The following FANCA variants were observed in gnomAD, a reference collection of about 807,000 sequenced individuals.
The protein encoded by FANCA is FA complementation group A.
In FANCA, 236 loss-of-function variants were observed where a neutral mutation model predicts 194.3. The ratio of observed to expected loss-of-function variants is 1.21; its 90% CI spans 1.09 to 1.35. The LOEUF (loss-of-function observed/expected upper bound fraction) is 1.35, where lower values mean the gene tolerates loss of function less well. FANCA is among the 40% of genes most tolerant of loss of function. FANCA has a pLI of 0.00. For missense variants in FANCA, 2,628 were observed against 1,813.9 expected (o/e 1.45, Z -8.15); for synonymous variants, 1,014 against 715.8 (o/e 1.42, Z -6.65).
chr16:89,791,692 G>A (rs2040081846), intron 13 of FANCA, 156 bp from the exon 14 acceptor site: 3 of 1,139,570 alleles, frequency 2.6e-6, no homozygotes, highest in Admixed American at 2.0e-5. Context: ...CATGTCAAGT[G>A]CAAACCACTA....
chr16:89,788,446 C>G (rs2039965619), intron 14 of FANCA, among the ~76,000 whole-genome samples: 2 of 151,910 alleles, frequency 1.3e-5, no homozygotes, highest in Non-Finnish European at 2.9e-5. Flanking sequence ...AAAAACAAAA[C>G]AAAACATAAC....
intron 29 of FANCA, among the ~76,000 whole-genome samples, chr16:89,759,040 G>A (rs547638269): frequency 1.3e-5 from 2 of 152,100 alleles, no homozygotes; most frequent in African/African-American, 4.8e-5. Context: ...TGTAGGCTGG[G>A]GCAGGTGCAG....
intron 29 of FANCA, among the ~76,000 whole-genome samples, chr16:89,759,670 A>G (rs1260586530): frequency 6.6e-6 from 1 of 152,192 alleles, no homozygotes; most frequent in Non-Finnish European, 1.5e-5. Flanking sequence ...CTGAGGCAGG[A>G]GGATCACTCG....
chr16:89,810,545 C>T (rs1459675103), intron 5 of FANCA, 162 bp downstream of exon 5: 4 of 651,792 alleles, frequency 6.1e-6, no homozygotes, highest in East Asian at 2.7e-5. Flanking sequence ...GTACTTCTTT[C>T]CAATCCACAG....
At chr16:89,811,905 T>G (rs554192167) in intron 3 of FANCA, among the ~76,000 whole-genome samples, 1 of 151,724 alleles carries the variant, frequency 6.6e-6, no homozygotes, top group East Asian at 1.9e-4. Context: ...TAATTTTTTG[T>G]ATTTTTAGTA....
intron 12 of FANCA, 66 bp downstream of exon 12, chr16:89,792,405 G>C (rs192256012): frequency 2.7e-6 from 4 of 1,505,994 alleles, no homozygotes; most frequent in Non-Finnish European, 3.7e-6. Flanking sequence ...AGCATGACAA[G>C]TACTAGGCAG....
intron 31 of FANCA, 76 bp downstream of exon 31, chr16:89,752,062 G>T: frequency 1.5e-6 from 2 of 1,331,812 alleles, no homozygotes; most frequent in Non-Finnish European, 1.1e-6. Context: ...GAGCCACCGC[G>T]CCTGGCAATA....
intron 11 of FANCA, among the ~76,000 whole-genome samples, chr16:89,793,204 G>A (rs1184561953): frequency 6.6e-6 from 1 of 152,136 alleles, no homozygotes; most frequent in African/African-American, 2.4e-5. Flanking sequence ...AGTGAGTGGT[G>A]TTCCTTGACA....
chr16:89,810,646 T>C (rs1481139788), intron 5 of FANCA, 61 bp downstream of exon 5: 1 of 1,092,058 alleles, frequency 9.2e-7, no homozygotes, highest in African/African-American at 1.5e-5. Context: ...GTTGCCTCCA[T>C]CCAGATCAAC....
intron 28 of FANCA, chr16:89,762,569 GA>G (rs59550802): frequency 0.025 from 4,366 of 173,204 alleles, no homozygotes; most frequent in South Asian, 0.056. Context: ...CTATAAAAAG[GA>G]AAAAAAAAAA....
At chr16:89,792,636 G>A in intron 11 of FANCA, 89 bp from the exon 12 acceptor site, 1 of 1,067,804 alleles carries the variant, frequency 9.4e-7, no homozygotes, top group Non-Finnish European at 1.4e-6. Flanking sequence ...GGGTCGGTGG[G>A]TCTCTCCCCG....
intron 26 of FANCA, chr16:89,769,559 A>C: frequency 2.1e-6 from 1 of 467,850 alleles, no homozygotes; most frequent in Non-Finnish European, 3.9e-6. Flanking sequence ...TCTCACCAGG[A>C]CATCAAAGAA....
chr16:89,758,852 TG>T, intron 29 of FANCA, 147 bp from the exon 30 acceptor site: 1 of 1,215,328 alleles, frequency 8.2e-7, no homozygotes, highest in Non-Finnish European at 1.2e-6. Context: ...GGAGTAGGGA[TG>T]AGACCTCACT....
intron 15 of FANCA, among the ~76,000 whole-genome samples, chr16:89,783,667 G>T (rs1313171517): frequency 6.6e-6 from 1 of 152,190 alleles, no homozygotes; most frequent in Non-Finnish European, 1.5e-5. Context: ...GGGGGAACCA[G>T]GGATGTGCAA....
At chr16:89,802,871 G>A (rs2040504418) in intron 8 of FANCA, among the ~76,000 whole-genome samples, 1 of 152,190 alleles carries the variant, frequency 6.6e-6, no homozygotes. Flanking sequence ...AGAGTAGAAC[G>A]AGAGATACCA....
chr16:89,802,704 G>A lies in FANCA; in HGVS notation c.792+555C>T, dbSNP rs540375019. Among the ~76,000 whole-genome samples, 60 of 152,224 alleles carry A rather than the reference G, an allele frequency of 3.9e-4. 2 individuals carry two copies. The South Asian group carries it at 0.012, about 30-fold the overall frequency. On this transcript the variant is annotated intron_variant, in intron 8 of 42. Coordinates refer to ENST00000389301, the MANE Select transcript of FANCA (RefSeq NM_000135.4). ...AGGCATGAGCCACCATGCCCGGCCA[G>A]CTATTCTTTTTTTTTAAAGTGAAAT...
Position 89,795,969 on chromosome 16 carries a change from G to A in FANCA, c.943C>T (p.Pro315Ser), listed in dbSNP as rs757389865. Residue 315 changes from proline to serine, a missense_variant, in exon 11 of 43, where the codon CCT becomes TCT. Transcript: ENST00000389301. ...HTLGSVISTD[P>S]LKRFFSHTLT... ...GTATGACTGAAGAACCTCTTCAGAGGATCTGTGGAAATTACACTGCCAAGC... is the reference window on the plus strand; with the variant it reads ...GTATGACTGAAGAACCTCTTCAGAGAATCTGTGGAAATTACACTGCCAAGC... The A allele has an allele frequency of 3.1e-6, 5 of 1,614,056 alleles. 1 individual carries two copies. In the South Asian group the frequency reaches 5.5e-5, roughly 18 times the overall value.
At position 89,810,689 on chromosome 16, in the gene FANCA, T is replaced by A. The variant is rs759716091; in HGVS notation, c.522+18A>T. On this transcript the variant is annotated intron_variant, in intron 5 of 42. Transcript: ENST00000389301. The stretch of plus-strand genomic sequence containing the variant: ...TGCCTGGAACACTGGAGAGTCAGAT[T>A]TGCAATCTCAAATTTACCTGTATTT... The A allele has an allele frequency of 1.0e-5, 15 of 1,498,518 alleles. No individual in the cohort carries two copies. The highest frequency in any genetic ancestry group is 1.4e-5 in the Non-Finnish European group (15 of 1,075,494). The allele number at this position is 1,498,518 out of a possible 1,614,324, so 92.8% of individuals were successfully genotyped here.
At chr16:89,770,366 C>CA (rs1274901079) in intron 24 of FANCA, 107 bp from the exon 25 acceptor site, 2 of 1,154,444 alleles carry the variant, frequency 1.7e-6, no homozygotes, top group East Asian at 2.6e-5. Flanking sequence ...AGCTGTTCCC[C>CA]AAAACAGTGG....
Sources: allele counts gnomAD v4.1 joint callset (sites outside exome capture counted in the v4.1 genomes callset), GRCh38; gene constraint gnomAD v4.1.1; transcripts MANE v1.5; gene names NCBI Gene and HGNC (gene_info 2026-07-23, HGNC 2026-07-21).